PDE1B: variants seen among roughly 807,000 people sequenced by gnomAD.
PDE1B encodes phosphodiesterase 1B.
Under a neutral mutation model 66.7 loss-of-function variants are expected in PDE1B, and 13 were observed. That is an observed-to-expected ratio of 0.19 (90% confidence interval 0.13 to 0.31). PDE1B has a LOEUF of 0.31. Ranked by LOEUF, PDE1B falls within the 10% of genes least tolerant of loss-of-function variation. The probability of loss-of-function intolerance (pLI) is 1.00; values close to 1 mark genes in which losing one functional copy is unlikely to be tolerated. For synonymous variants in PDE1B, 230 were observed against 253.9 expected, an observed-to-expected ratio of 0.91 and a Z score of 0.90; for missense variants, 485 against 682.3, an observed-to-expected ratio of 0.71 and a Z score of 3.22.
chr12:54,560,965 C>T (rs942785768), intron 2 of PDE1B, among the ~76,000 whole-genome samples: 1 of 152,122 alleles, frequency 6.6e-6, no homozygotes. Flanking sequence ...TAAGGATCCC[C>T]TGACACCTAG....
At position 54,573,015 on chromosome 12, in the gene PDE1B, T is replaced by A; in HGVS notation, c.736-133T>A. 1 of 734,758 alleles carries A rather than the reference T, an allele frequency of 1.4e-6. No homozygotes were observed. Among genetic ancestry groups the A allele is most frequent in the Non-Finnish European group, 2.3e-6 (1 of 430,226 alleles). 45.5% of individuals were successfully genotyped at this position (734,758 alleles called of 1,614,324 possible). A position where few individuals can be genotyped will look rare whatever the true frequency, so the allele number is the denominator to read the frequency against. ...TGGCCATTTCAGGAGCTGAGAAACC[T>A]GGCTGCATTAACCAAGAGCTGGCCT... is the stretch of plus-strand genomic sequence containing the variant. On this transcript the variant is annotated intron_variant, in intron 7 of 15. Coordinates refer to ENST00000243052, the MANE Select transcript of PDE1B (RefSeq NM_000924.4). The surrounding 1 kb of genome is among the most constrained non-coding windows in gnomAD (Gnocchi z 5.2).
rs1957818384 is a variant in PDE1B, at chr12:54,578,971, C to T, written c.*1129C>T. Reference sequence around the variant, plus strand: ...CCAGCCAGGCGCGGTGCCCCTTCCTCTCCTCAGGCTCCTCCTTGCCCCCAC... The same window carrying T: ...CCAGCCAGGCGCGGTGCCCCTTCCTTTCCTCAGGCTCCTCCTTGCCCCCAC... On this transcript the variant is annotated 3_prime_UTR_variant, in exon 16 of 16. Transcript: ENST00000243052. 1 of 152,482 alleles carries T rather than the reference C, an allele frequency of 6.6e-6. No homozygotes were observed. Among genetic ancestry groups the T allele is most frequent in the South Asian group, 2.1e-4 (1 of 4,826 alleles). The allele number at this position is 152,482 out of a possible 1,614,324, so 9.4% of individuals were successfully genotyped here. A position where few individuals can be genotyped will look rare whatever the true frequency, so the allele number is the denominator to read the frequency against.
In PDE1B at chr12:54,567,047, A is replaced by C; in HGVS notation, c.187A>C (p.Thr63Pro). The change falls in exon 3 of 16, where the codon ACA (threonine) becomes CCA (proline). Residue 63 changes from threonine to proline, a missense_variant. Physicochemically the swap from Thr to Pro is conservative, Grantham distance 38. Around this residue, in one of 4 missense-constraint regions of PDE1B, gnomAD observed 74 missense variants for 78.7 expected, o/e 0.94. Coordinates refer to ENST00000243052, the MANE Select transcript of PDE1B (RefSeq NM_000924.4). Reference sequence around the variant, plus strand: ...GGAGCTGAAGAAAAATCTGGAGTACACAGCTTCTCTGCTGGAAGCCGTCTA... The same window carrying C: ...GGAGCTGAAGAAAAATCTGGAGTACCCAGCTTCTCTGCTGGAAGCCGTCTA... ...IEELKKNLEY[T>P]ASLLEAVYID... 6.2e-7 allele frequency: 1 copy of C among 1,610,026 alleles called. No individual in the cohort carries two copies. The highest frequency in any genetic ancestry group is 8.5e-7 in the Non-Finnish European group (1 of 1,176,996).
chr12:54,574,875 T>C (rs1957702210), intron 10 of PDE1B: 1 of 373,232 alleles, frequency 2.7e-6, no homozygotes, highest in Non-Finnish European at 4.9e-6. Flanking sequence ...TTCGGGAGGC[T>C]GAGGTGGGAG....
chr12:54,565,211 C>T (rs1030461223), intron 2 of PDE1B, among the ~76,000 whole-genome samples: 5 of 152,016 alleles, frequency 3.3e-5, no homozygotes, highest in Non-Finnish European at 4.4e-5. Context: ...TAAAAAGGGC[C>T]GAATGAAGCA....
intron 15 of PDE1B, 59 bp downstream of exon 15, chr12:54,577,404 G>A (rs1407334106): frequency 6.2e-7 from 1 of 1,608,276 alleles, no homozygotes; most frequent in Non-Finnish European, 8.5e-7. Flanking sequence ...CATCTTTGTT[G>A]GGTCGTCTCT....
chr12:54,573,230 G>A lies in PDE1B; in HGVS notation c.818G>A (p.Ser273Asn). The change falls in exon 8 of 16, where the codon AGC becomes AAC. Residue 273 changes from serine to asparagine, a missense_variant. By Grantham distance (46) the Ser-to-Asn change is conservative. This residue lies in a region of PDE1B where 282 missense variants were observed against 453.4 expected (regional missense o/e 0.62). Transcript: ENST00000243052. This position sits in a 1 kb window ranked among gnomAD's most constrained non-coding sequence, Gnocchi z 5.2. Reference protein sequence around the residue: ...HDYEHTGTTNSFHIQTKSECA... With the variant: ...HDYEHTGTTNNFHIQTKSECA... ...TATGAGCACACGGGCACTACCAACA[G>A]CTTCCACATCCAGACCAAGTGAGGG... 6.2e-7 allele frequency: 1 copy of A among 1,613,982 alleles called. No homozygotes were observed.
In PDE1B at chr12:54,569,424, C is replaced by A; in HGVS notation, c.410+58C>A. The A allele has an allele frequency of 6.3e-7, 1 of 1,587,640 alleles. No individual in the cohort carries two copies. Among genetic ancestry groups the A allele is most frequent in the Non-Finnish European group, 8.6e-7 (1 of 1,164,198 alleles). On this transcript the variant is annotated intron_variant, in intron 4 of 15. Coordinates refer to ENST00000243052, the MANE Select transcript of PDE1B (RefSeq NM_000924.4). The surrounding 1 kb of genome is among the most constrained non-coding windows in gnomAD (Gnocchi z 4.4). ...CTTTAGCTGTGCCCCTCTTTCCCAG[C>A]CACCCTGGTCTTCCATGACCACCAG...
intron 2 of PDE1B, among the ~76,000 whole-genome samples, chr12:54,550,961 G>GATTCTTA (rs1957269552): frequency 6.6e-6 from 1 of 152,206 alleles, no homozygotes; most frequent in Non-Finnish European, 1.5e-5. Flanking sequence ...GCAGTCTGTT[G>GATTCTTA]ATTCTTAATC....
chr12:54,554,612 G>A (rs957822081), intron 2 of PDE1B, among the ~76,000 whole-genome samples: 1 of 152,144 alleles, frequency 6.6e-6, no homozygotes, highest in Non-Finnish European at 1.5e-5. Context: ...AGAGGTAGGG[G>A]ATCAAATTCA....
rs955988873 is a variant in PDE1B, at chr12:54,572,813, C to T, written c.735+72C>T. On this transcript the variant is annotated intron_variant, in intron 7 of 15. Transcript: ENST00000243052. ...ACAGAACTGGGAGGTCTAGACTGTA[C>T]TCCCATTTCCATTTCTCCTCGTTGG... 3.7e-5 allele frequency: 53 copies of T among 1,435,678 alleles called. No homozygotes were observed. In the Admixed American group the frequency reaches 9.0e-4, roughly 24 times the overall value. 88.9% of individuals were successfully genotyped at this position (1,435,678 alleles called of 1,614,324 possible).
chr12:54,551,193 A>G (rs933553322), intron 2 of PDE1B, among the ~76,000 whole-genome samples: 6 of 152,180 alleles, frequency 3.9e-5, no homozygotes, highest in African/African-American at 1.4e-4. Context: ...CTTATGTTGT[A>G]TTGTTCTTTA....
intron 10 of PDE1B, 120 bp from the exon 11 acceptor site, chr12:54,574,974 CAAAA>C (rs35584396): frequency 0.012 from 4,996 of 429,408 alleles, no homozygotes; most frequent in South Asian, 0.017. Flanking sequence ...GACCCTGTCT[CAAAA>C]AAAAAAAAAA....
Position 54,573,370 on chromosome 12 carries a change from C to T in PDE1B, c.852C>T (p.Ile284=), listed in dbSNP as rs776970959. 100 of 1,614,088 alleles carry T rather than the reference C, an allele frequency of 6.2e-5. 1 individual carries two copies. Among genetic ancestry groups the T allele is most frequent in the Middle Eastern group, 1.6e-4 (1 of 6,062 alleles). The change falls in exon 9 of 16, where the codon ATC becomes ATT. Residue 284 remains isoleucine (I), a synonymous_variant. Coordinates refer to ENST00000243052, the MANE Select transcript of PDE1B (RefSeq NM_000924.4). This position sits in a 1 kb window ranked among gnomAD's most constrained non-coding sequence, Gnocchi z 5.2. ...GGCTTTGTAGGTCAGAATGTGCCAT[C>T]GTGTACAATGATCGTTCAGTGCTGG... is the stretch of plus-strand genomic sequence containing the variant. ...FHIQTKSECA[I]VYNDRSVLEN...
In PDE1B at chr12:54,573,805, A is replaced by T; in HGVS notation, c.1064+96A>T. The T allele has an allele frequency of 1.2e-6, 1 of 843,978 alleles. No homozygotes were observed. The highest frequency in any genetic ancestry group is 1.8e-5 in the Admixed American group (1 of 56,754). The allele number at this position is 843,978 out of a possible 1,614,324, so 52.3% of individuals were successfully genotyped here. A position where few individuals can be genotyped will look rare whatever the true frequency, so the allele number is the denominator to read the frequency against. On this transcript the variant is annotated intron_variant, in intron 10 of 15. Coordinates refer to ENST00000243052, the MANE Select transcript of PDE1B (RefSeq NM_000924.4). The surrounding 1 kb of genome is among the most constrained non-coding windows in gnomAD (Gnocchi z 5.2). ...AGGGTAGTTGGTGTGCCAGGTCTTT[A>T]CCTCGCTGTAGAGACTCCACTGGCT...
intron 15 of PDE1B, 53 bp from the exon 16 acceptor site, chr12:54,577,807 G>A: frequency 2.6e-6 from 1 of 392,012 alleles, no homozygotes; most frequent in East Asian, 4.0e-5. Context: ...GGAAGGTCAG[G>A]TTGGAGGTGA....
chr12:54,575,922 C>A lies in PDE1B; in HGVS notation c.1268-70C>A. 1 of 1,159,892 alleles carries A rather than the reference C, an allele frequency of 8.6e-7. No homozygotes were observed. Among genetic ancestry groups the A allele is most frequent in the Non-Finnish European group, 1.3e-6 (1 of 768,164 alleles). The allele number at this position is 1,159,892 out of a possible 1,614,324, so 71.9% of individuals were successfully genotyped here. On this transcript the variant is annotated intron_variant, in intron 12 of 15. Transcript: ENST00000243052. This position sits in a 1 kb window ranked among gnomAD's most constrained non-coding sequence, Gnocchi z 4.0. ...AAGCAGCCAGGGGTCCTGGCCATGC[C>A]AGCTGCATGCTCTGCCTAGCCCTCC...
intron 14 of PDE1B, 92 bp from the exon 15 acceptor site, chr12:54,577,133 T>A: frequency 9.3e-7 from 1 of 1,070,056 alleles, no homozygotes; most frequent in Non-Finnish European, 1.4e-6. Flanking sequence ...GGTTGATGGA[T>A]GAGAATCCCT....
chr12:54,553,685 C>T (rs961208478), intron 2 of PDE1B, among the ~76,000 whole-genome samples: 4 of 151,814 alleles, frequency 2.6e-5, no homozygotes, highest in East Asian at 1.9e-4. Flanking sequence ...TGTTGAGTGG[C>T]GGGGGGAGGA....
Sources: allele counts gnomAD v4.1 joint callset (sites outside exome capture counted in the v4.1 genomes callset), GRCh38; gene constraint gnomAD v4.1.1; regional missense constraint gnomAD v4.1.1; non-coding constraint Gnocchi (gnomAD v3.1); transcripts MANE v1.5; gene names NCBI Gene and HGNC (gene_info 2026-07-23, HGNC 2026-07-21).